ODAD2: variants seen among roughly 807,000 people sequenced by gnomAD.
The protein encoded by ODAD2 is outer dynein arm-docking complex subunit 2.
A neutral mutation model predicts 106.8 loss-of-function variants in ODAD2; 89 were observed. The ratio of observed to expected loss-of-function variants is 0.83; its 90% CI spans 0.70 to 0.99. The LOEUF is 0.99. Ranked by LOEUF, ODAD2 falls within the 50% of genes least tolerant of loss-of-function variation. The probability of loss-of-function intolerance (pLI) is 0.00; values close to 1 mark genes in which losing one functional copy is unlikely to be tolerated. For missense variants in ODAD2, 1,168 were observed against 1,238.5 expected (o/e 0.94, Z 0.85); for synonymous variants, 404 against 436.2 (o/e 0.93, Z 0.92).
intron 17 of ODAD2, among the ~76,000 whole-genome samples, chr10:27,886,154 T>C (rs1347984826): frequency 6.6e-6 from 1 of 150,860 alleles, no homozygotes; most frequent in African/African-American, 2.4e-5. Flanking sequence ...AGGAAAGAGA[T>C]AGATATACAA....
Position 27,912,948 on chromosome 10 carries a change from G to C in ODAD2, c.2496-5171C>G, listed in dbSNP as rs577442924. Among the ~76,000 whole-genome samples the C allele has an allele frequency of 2.5e-4, 38 of 152,238 alleles. No homozygotes were observed. The South Asian group carries it at 7.5e-3, about 30-fold the overall frequency. ...ATGTGTTATTCCAAAGAGGCTATGG[G>C]ACAACAAATTTGGAGAAAAGATGTG... is the stretch of plus-strand genomic sequence containing the variant. On this transcript the variant is annotated intron_variant, in intron 16 of 19. Coordinates refer to ENST00000305242, the MANE Select transcript of ODAD2 (RefSeq NM_018076.5).
intron 8 of ODAD2, among the ~76,000 whole-genome samples, chr10:27,969,923 T>G (rs1365430575): frequency 1.3e-5 from 2 of 152,054 alleles, no homozygotes; most frequent in Non-Finnish European, 2.9e-5. Flanking sequence ...CTGGCCAACA[T>G]GGCAAAACGC....
chr10:27,919,497 A>C (rs1038068860), intron 16 of ODAD2, among the ~76,000 whole-genome samples: 3 of 152,150 alleles, frequency 2.0e-5, no homozygotes, highest in Non-Finnish European at 4.4e-5. Context: ...AAATGGGCAA[A>C]AGACTTTAAC....
chr10:27,963,587 T>C (rs1848289155), intron 9 of ODAD2, among the ~76,000 whole-genome samples: 1 of 152,072 alleles, frequency 6.6e-6, no homozygotes, highest in Admixed American at 6.5e-5. Flanking sequence ...CTCTGAAAAC[T>C]ATTTTTCCCC....
chr10:27,848,202 T>C (rs541458966), intron 19 of ODAD2, among the ~76,000 whole-genome samples: 1 of 152,312 alleles, frequency 6.6e-6, no homozygotes, highest in East Asian at 1.9e-4. Context: ...CAAAACTGCA[T>C]GGTACTGGTA....
chr10:27,979,298 A>G (rs1031053405), intron 7 of ODAD2, among the ~76,000 whole-genome samples: 4 of 151,832 alleles, frequency 2.6e-5, no homozygotes, highest in African/African-American at 4.8e-5. Context: ...CTTATTCAAC[A>G]TAGTCCAGGA....
chr10:27,983,215 T>C (rs546039333), intron 6 of ODAD2, among the ~76,000 whole-genome samples: 1 of 152,330 alleles, frequency 6.6e-6, no homozygotes, highest in East Asian at 1.9e-4. Flanking sequence ...CTATCAGTCA[T>C]CCAGTGCTCC....
chr10:27,972,873 G>C (rs1235958644), intron 7 of ODAD2, among the ~76,000 whole-genome samples: 1 of 152,020 alleles, frequency 6.6e-6, no homozygotes, highest in African/African-American at 2.4e-5. Flanking sequence ...TAATGATATA[G>C]AAGATATGAG....
intron 17 of ODAD2, 83 bp from the exon 18 acceptor site, chr10:27,862,705 GCTGTGAGGTACAT>G (rs1840141350): frequency 1.1e-6 from 1 of 940,392 alleles, no homozygotes; most frequent in African/African-American, 1.7e-5. Context: ...TAACAATACA[GCTGTGAGGTACAT>G]CTTTGGCATG....
At chr10:27,915,912 C>A (rs1844336715) in intron 16 of ODAD2, among the ~76,000 whole-genome samples, 1 of 152,046 alleles carries the variant, frequency 6.6e-6, no homozygotes, top group Admixed American at 6.6e-5. Context: ...ATATATATGG[C>A]CTCAATTAGC....
chr10:27,928,041 C>G (rs1163944686), intron 16 of ODAD2, among the ~76,000 whole-genome samples: 1 of 152,112 alleles, frequency 6.6e-6, no homozygotes, highest in Non-Finnish European at 1.5e-5. Context: ...CTCAATGTCT[C>G]TACACAACCA....
intron 19 of ODAD2, among the ~76,000 whole-genome samples, chr10:27,853,987 A>G (rs182682022): frequency 6.6e-6 from 1 of 152,334 alleles, no homozygotes; most frequent in Admixed American, 6.5e-5. Flanking sequence ...ATATTTGCAA[A>G]TTACACATAT....
intron 17 of ODAD2, among the ~76,000 whole-genome samples, chr10:27,891,386 T>G (rs1172867654): frequency 2.0e-5 from 3 of 151,996 alleles, no homozygotes; most frequent in Non-Finnish European, 4.4e-5. Context: ...TTGTTTTTTT[T>G]TTTTCCTTCA....
rs369323142 is a variant in ODAD2 at position 27,931,124 on chromosome 10, AAAAGAAAG to A, written c.2495+3878_2495+3885del. The stretch of plus-strand genomic sequence containing the variant: ...CCCCTAATCTCTGCTCTCTTAAAAA[AAAAGAAAG>A]AAAGAAAGAAAGAAAGGTTGACTAT... On this transcript the variant is annotated intron_variant, in intron 16 of 19. Coordinates refer to ENST00000305242, the MANE Select transcript of ODAD2 (RefSeq NM_018076.5). Among the ~76,000 whole-genome samples, 7 of 152,228 alleles carry A rather than the reference AAAAGAAAG, an allele frequency of 4.6e-5. No homozygotes were observed. In the South Asian group the frequency reaches 1.2e-3, roughly 27 times the overall value.
intron 19 of ODAD2, among the ~76,000 whole-genome samples, chr10:27,846,976 C>A (rs1392596195): frequency 1.3e-5 from 2 of 152,192 alleles, no homozygotes; most frequent in African/African-American, 4.8e-5. Flanking sequence ...GGATTCACAG[C>A]CAAATTCTAC....
Position 27,985,214 on chromosome 10 carries a change from G to T in ODAD2, c.383-3C>A. The T allele has an allele frequency of 1.4e-6, 2 of 1,391,156 alleles. No homozygotes were observed. The highest frequency in any genetic ancestry group is 2.8e-5 in the East Asian group (1 of 35,184). 86.2% of individuals were successfully genotyped at this position (1,391,156 alleles called of 1,614,324 possible). On this transcript the variant is annotated splice_polypyrimidine_tract_variant and splice_region_variant and intron_variant, in intron 3 of 19. Transcript: ENST00000305242. Reference sequence around the variant, plus strand: ...TTTTACTATGGGGTCTCTGTTAGCTGCCAAAAAAAAAAAAAAGGAGACAAA... The same window carrying T: ...TTTTACTATGGGGTCTCTGTTAGCTTCCAAAAAAAAAAAAAAGGAGACAAA...
At chr10:27,839,170 A>T (rs1416553460) in intron 19 of ODAD2, among the ~76,000 whole-genome samples, 1 of 152,204 alleles carries the variant, frequency 6.6e-6, no homozygotes, top group Non-Finnish European at 1.5e-5. Flanking sequence ...TCCCGTCCAA[A>T]ATCAAATTTT....
chr10:27,945,163 G>C (rs1475760790), intron 10 of ODAD2, among the ~76,000 whole-genome samples: 1 of 152,180 alleles, frequency 6.6e-6, no homozygotes, highest in Non-Finnish European at 1.5e-5. Flanking sequence ...AACATTTAAA[G>C]GCAGGCTGTC....
At chr10:27,878,274 T>G (rs1841478191) in intron 17 of ODAD2, among the ~76,000 whole-genome samples, 1 of 152,120 alleles carries the variant, frequency 6.6e-6, no homozygotes, top group African/African-American at 2.4e-5. Flanking sequence ...TCAAACAGAT[T>G]GCACAAATAA....
Sources: gnomAD v4.1 joint callset for allele counts (sites outside exome capture counted in the v4.1 genomes callset) on GRCh38, gnomAD v4.1.1 for gene constraint, MANE v1.5 for transcripts, NCBI Gene and HGNC (gene_info 2026-07-23, HGNC 2026-07-21) for gene names.